SRP72: variants seen among roughly 807,000 people sequenced by gnomAD.
SRP72 encodes signal recognition particle 72.
Under a neutral mutation model 96.3 loss-of-function variants are expected in SRP72, and 49 were observed. The observed-to-expected ratio is 0.51, with a 90% CI of 0.40 to 0.65. SRP72 has a LOEUF of 0.65. SRP72 is among the 30% of genes least tolerant of loss of function. The pLI is 0.00. For missense variants in SRP72, 736 were observed against 793.3 expected (o/e 0.93, Z 0.87); for synonymous variants, 267 against 275.2 (o/e 0.97, Z 0.30).
At chr4:56,489,948 A>G (rs1720851458) in intron 13 of SRP72, among the ~76,000 whole-genome samples, 1 of 152,208 alleles carries the variant, frequency 6.6e-6, no homozygotes, top group South Asian at 2.1e-4. Context: ...TACGCTGTGC[A>G]GGTGGCATTT....
intron 1 of SRP72, among the ~76,000 whole-genome samples, chr4:56,468,313 G>A (rs1440276699): frequency 6.6e-6 from 1 of 152,208 alleles, no homozygotes; most frequent in African/African-American, 2.4e-5. Context: ...TCTCTTCAGT[G>A]TTATTAAGTT....
chr4:56,501,876 T>G lies in SRP72; in HGVS notation c.*15T>G. On this transcript the variant is annotated 3_prime_UTR_variant, in exon 19 of 19. Transcript: ENST00000642900. ...GTGGCTGGTGATGAGAATATTCTTGTTGCAGGCTGTTTTTAAACTAGTGTC... is the reference window on the plus strand; with the variant it reads ...GTGGCTGGTGATGAGAATATTCTTGGTGCAGGCTGTTTTTAAACTAGTGTC... 6.2e-7 allele frequency: 1 copy of G among 1,613,824 alleles called. No homozygotes were observed. Among genetic ancestry groups the G allele is most frequent in the Non-Finnish European group, 8.5e-7 (1 of 1,179,896 alleles).
In SRP72 at chr4:56,478,650, G is replaced by T; in HGVS notation, c.825+1G>T. On this transcript the variant is annotated splice_donor_variant, in intron 8 of 18. Coordinates refer to ENST00000642900, the MANE Select transcript of SRP72 (RefSeq NM_006947.4). LOFTEE classifies it high-confidence loss of function. ...AAATAACATCATTACCATTAACAAGGTATGGAGTATTTGTGCTTTCCATAG... is the reference window on the plus strand; with the variant it reads ...AAATAACATCATTACCATTAACAAGTTATGGAGTATTTGTGCTTTCCATAG... The T allele has an allele frequency of 1.2e-6, 2 of 1,613,186 alleles. No individual in the cohort carries two copies. Among genetic ancestry groups the T allele is most frequent in the Middle Eastern group, 1.7e-4 (1 of 5,870 alleles).
At chr4:56,474,015 T>G in intron 3 of SRP72, 39 bp from the exon 4 acceptor site, 9 of 1,590,802 alleles carry the variant, frequency 5.7e-6, no homozygotes, top group Non-Finnish European at 6.8e-6. Context: ...CATAACACCA[T>G]ATTTGTCTCT....
At position 56,469,659 on chromosome 4, in the gene SRP72, A is replaced by G; in HGVS notation, c.116A>G (p.Gln39Arg). ...RALKTVNKIL[Q>R]INKDDVTALH... ...TCCTAAAATTGTTCTCTAGTACTAC[A>G]GATCAACAAAGATGACGTAACTGCC... The change falls in exon 2 of 19, where the codon CAG (glutamine) becomes CGG (arginine). Residue 39 changes from glutamine (Q) to arginine (R), a missense_variant. Physicochemically the swap from Gln to Arg is conservative, Grantham distance 43. Coordinates refer to ENST00000642900, the MANE Select transcript of SRP72 (RefSeq NM_006947.4). 6.2e-7 allele frequency: 1 copy of G among 1,602,442 alleles called. No homozygotes were observed. The highest frequency in any genetic ancestry group is 8.5e-7 in the Non-Finnish European group (1 of 1,171,644).
rs1419227353 is a variant in SRP72 at position 56,467,624 on chromosome 4, G to C, written c.-12G>C. 1 of 1,537,558 alleles carries C rather than the reference G, an allele frequency of 6.5e-7. No individual in the cohort carries two copies. The highest frequency in any genetic ancestry group is 8.7e-7 in the Non-Finnish European group (1 of 1,144,442). ...CAGAGGTCTCCCCGCCCCGCCCCTCGTCTCCTCCAAGATGGCGAGCGGCGG... is the reference window on the plus strand; with the variant it reads ...CAGAGGTCTCCCCGCCCCGCCCCTCCTCTCCTCCAAGATGGCGAGCGGCGG... On this transcript the variant is annotated 5_prime_UTR_variant, in exon 1 of 19. Coordinates refer to ENST00000642900, the MANE Select transcript of SRP72 (RefSeq NM_006947.4).
At chr4:56,500,748 T>A in intron 18 of SRP72, 53 bp downstream of exon 18, 2 of 1,530,388 alleles carry the variant, frequency 1.3e-6, no homozygotes, top group Non-Finnish European at 1.8e-6. Flanking sequence ...TGTTTCTAGA[T>A]TGACTCAAGG....
rs1386201900 is a variant in SRP72 at position 56,495,413 on chromosome 4, C to T, written c.1678+19C>T. Reference sequence around the variant, plus strand: ...AAGAAGGGTAAGGCATTAAAAAAGTCTTTATAAATTTTCTCCAAAATAAAT... The same window carrying T: ...AAGAAGGGTAAGGCATTAAAAAAGTTTTTATAAATTTTCTCCAAAATAAAT... On this transcript the variant is annotated intron_variant, in intron 17 of 18. Transcript: ENST00000642900. The T allele has an allele frequency of 1.7e-5, 25 of 1,455,710 alleles. No homozygotes were observed. Among genetic ancestry groups the T allele is most frequent in the Non-Finnish European group, 2.2e-5 (23 of 1,054,260 alleles). The allele number at this position is 1,455,710 out of a possible 1,614,324, so 90.2% of individuals were successfully genotyped here. A position where few individuals can be genotyped will look rare whatever the true frequency, so the allele number is the denominator to read the frequency against.
At chr4:56,499,388 TTAAAC>T (rs56329990) in intron 17 of SRP72, among the ~76,000 whole-genome samples, 11,464 of 152,208 alleles carry the variant, frequency 0.075, 494 homozygotes, top group Admixed American at 0.12. Context: ...TGGGATCTAA[TTAAAC>T]TAAAGAGCTT....
At chr4:56,494,833 A>G (rs1481246195) in intron 16 of SRP72, among the ~76,000 whole-genome samples, 1 of 152,228 alleles carries the variant, frequency 6.6e-6, no homozygotes, top group Non-Finnish European at 1.5e-5. Flanking sequence ...GGTTTAAAAT[A>G]CAAAAGATAA....
intron 8 of SRP72, among the ~76,000 whole-genome samples, chr4:56,482,871 C>T (rs1175763668): frequency 6.6e-6 from 1 of 152,148 alleles, no homozygotes; most frequent in South Asian, 2.1e-4. Flanking sequence ...CCTAGGAAGC[C>T]TCCTTTGAGA....
At chr4:56,499,290 AG>A (rs1324015684) in intron 17 of SRP72, among the ~76,000 whole-genome samples, 21 of 152,376 alleles carry the variant, frequency 1.4e-4, no homozygotes, top group Admixed American at 5.9e-4. Flanking sequence ...AAGAAAACCT[AG>A]GCAATACCAT....
At position 56,478,665 on chromosome 4, in the gene SRP72, G is replaced by A; in HGVS notation, c.825+16G>A. The A allele has an allele frequency of 6.2e-7, 1 of 1,608,580 alleles. No individual in the cohort carries two copies. The highest frequency in any genetic ancestry group is 2.2e-5 in the East Asian group (1 of 44,792). On this transcript the variant is annotated intron_variant, in intron 8 of 18. Transcript: ENST00000642900. ...CATTAACAAGGTATGGAGTATTTGTGCTTTCCATAGATATATTTTACCCTG... is the reference window on the plus strand; with the variant it reads ...CATTAACAAGGTATGGAGTATTTGTACTTTCCATAGATATATTTTACCCTG...
Position 56,490,819 on chromosome 4 carries a change from C to T in SRP72, c.1502+174C>T, listed in dbSNP as rs79155422. ...TGATCAGTGTGACTGAAAAATGCGG[C>T]GATAGATCCAACTTAGGGTTCAGTT... On this transcript the variant is annotated intron_variant, in intron 15 of 18. Coordinates refer to ENST00000642900, the MANE Select transcript of SRP72 (RefSeq NM_006947.4). Among the ~76,000 whole-genome samples the T allele has an allele frequency of 3.8e-3, 585 of 152,188 alleles. 5 individuals carry two copies. Among genetic ancestry groups the T allele is most frequent in the African/African-American group, 0.013 (537 of 41,528 alleles).
chr4:56,500,132 C>T (rs112353488), intron 17 of SRP72, among the ~76,000 whole-genome samples: 143 of 152,214 alleles, frequency 9.4e-4, no homozygotes, highest in African/African-American at 3.3e-3. Context: ...CCAAACACCG[C>T]GTGTTCTCAC....
intron 8 of SRP72, among the ~76,000 whole-genome samples, chr4:56,481,814 C>T (rs1720500981): frequency 6.8e-6 from 1 of 147,984 alleles, no homozygotes; most frequent in African/African-American, 2.5e-5. Context: ...CTCTCTTGCC[C>T]AGGCTGGAGT....
At chr4:56,473,582 A>G (rs573616946) in intron 3 of SRP72, among the ~76,000 whole-genome samples, 32 of 151,954 alleles carry the variant, frequency 2.1e-4, no homozygotes, top group Non-Finnish European at 1.5e-4. Context: ...TAGCCTGACC[A>G]TGGAGAAACC....
At chr4:56,498,277 AAATAAT>A (rs1208493173) in intron 17 of SRP72, among the ~76,000 whole-genome samples, 1 of 152,130 alleles carries the variant, frequency 6.6e-6, no homozygotes, top group Admixed American at 6.6e-5. Context: ...ATGTATCTCA[AAATAAT>A]AATAACTATT....
Position 56,474,374 on chromosome 4 carries a change from T to C in SRP72, c.593T>C (p.Ile198Thr). ...GGCCAGCTGAACCAGGCCATGAAAA[T>C]CCTACAAAAAGCTGAAGGTTGGAAG... The part of the protein sequence containing the change: ...GQGQLNQAMK[I>T]LQKAEDLCRR... The change falls in exon 5 of 19, where the codon ATC (isoleucine) becomes ACC (threonine). Residue 198 changes from isoleucine to threonine, a missense_variant. Physicochemically the swap from Ile to Thr is moderately conservative, Grantham distance 89. Around this residue, in one of 3 missense-constraint regions of SRP72, gnomAD observed 329 missense variants for 319.0 expected, o/e 1.03. Transcript: ENST00000642900. 1 of 1,613,730 alleles carries C rather than the reference T, an allele frequency of 6.2e-7. No individual in the cohort carries two copies. Among genetic ancestry groups the C allele is most frequent in the Non-Finnish European group, 8.5e-7 (1 of 1,179,936 alleles).
Sources: allele counts gnomAD v4.1 joint callset (sites outside exome capture counted in the v4.1 genomes callset), GRCh38; gene constraint gnomAD v4.1.1; regional missense constraint gnomAD v4.1.1; transcripts MANE v1.5; gene names NCBI Gene and HGNC (gene_info 2026-07-23, HGNC 2026-07-21).